Variants in FGA observed in about 807,000 individuals in gnomAD.
The protein encoded by FGA is fibrinogen, A alpha polypeptide.
A neutral mutation model predicts 20.3 loss-of-function variants in FGA; 20 were observed. The observed-to-expected ratio is 0.99, with a 90% confidence interval of 0.69 to 1.43. FGA has a LOEUF of 1.43. FGA is among the 40% of genes most tolerant of loss of function. The pLI, the probability that FGA is intolerant of heterozygous loss-of-function variation, is 0.00. For synonymous variants in FGA, 306 were observed against 281.6 expected (o/e 1.09, Z -0.87); for missense variants, 777 against 784.7 (o/e 0.99, Z 0.12).
At chr4:154,589,372 T>A (rs1730815112) in intron 2 of FGA, 65 bp downstream of exon 2, 2 of 1,599,914 alleles carry the variant, frequency 1.3e-6, no homozygotes, top group Admixed American at 3.3e-5. Flanking sequence ...ACCAATCAGG[T>A]CAGCCTGTGA....
intron 4 of FGA, 133 bp from the exon 5 acceptor site, chr4:154,587,051 A>G: frequency 8.1e-6 from 7 of 860,422 alleles, no homozygotes; most frequent in Non-Finnish European, 1.3e-5. Context: ...CTACCACTTA[A>G]TATTCTCTGT....
rs780339572 is a variant in FGA at position 154,587,513 on chromosome 4, T to A, written c.509A>T (p.Glu170Val). Residue 170 changes from glutamate (E) to valine (V), a missense_variant and splice_region_variant, in exon 4 of 5, where the codon GAG becomes GTG. Glu to Val is a moderately radical substitution (Grantham distance 121). Coordinates refer to ENST00000403106, the MANE Select transcript of FGA (RefSeq NM_021871.4). ...CTGGGACCACAGCCACATACTTACC[T>A]CCAGTCGTTTCATATCAACCAACTG... The part of the protein sequence containing the change: ...RAQLVDMKRL[E>V]VDIDIKIRSC... The A allele has an allele frequency of 6.2e-7, 1 of 1,613,774 alleles. No individual in the cohort carries two copies. The highest frequency in any genetic ancestry group is 8.5e-7 in the Non-Finnish European group (1 of 1,179,828).
In FGA at chr4:154,585,758, T is replaced by A. The variant is rs777978109; in HGVS notation, c.1671A>T (p.Thr557=). ...CAGGGTGATGAGAACTGGATTCCTT[T>A]GTATTTGTGAAGATGCCAGATTCTG... is the stretch of plus-strand genomic sequence containing the variant. ...RGSESGIFTN[T]KESSSHHPGI... is the part of the protein sequence containing the mutation. The change falls in exon 5 of 5, where the codon ACA becomes ACT. Residue 557 remains threonine (T), a synonymous_variant. Transcript: ENST00000403106. 28 of 1,614,034 alleles carry A rather than the reference T, an allele frequency of 1.7e-5. No homozygotes were observed. The highest frequency in any genetic ancestry group is 2.3e-5 in the Non-Finnish European group (27 of 1,180,018).
intron 2 of FGA, 31 bp downstream of exon 2, chr4:154,589,406 G>A (rs1166291255): frequency 1.9e-6 from 3 of 1,613,034 alleles, no homozygotes; most frequent in South Asian, 2.2e-5. Context: ...CAGAGGGAAG[G>A]AATCTCCTGC....
Position 154,586,004 on chromosome 4 carries a change from G to C in FGA, c.1425C>G (p.His475Gln), listed in dbSNP as rs1730702010. 2 of 1,614,144 alleles carry C rather than the reference G, an allele frequency of 1.2e-6. No homozygotes were observed. The highest frequency in any genetic ancestry group is 2.7e-5 in the African/African-American group (2 of 75,032). ...VTKTVIGPDGHKEVTKEVVTS... is the reference protein window; with the variant it reads ...VTKTVIGPDGQKEVTKEVVTS... ...TCACCACTTCTTTGGTAACTTCTTT[G>C]TGACCATCAGGACCAATAACAGTCT... The change falls in exon 5 of 5, where the codon CAC becomes CAG. Residue 475 changes from histidine (H) to glutamine (Q), a missense_variant. Transcript: ENST00000403106.
chr4:154,586,747 G>A lies in FGA; in HGVS notation c.682C>T (p.Pro228Ser). 6.2e-7 allele frequency: 1 copy of A among 1,614,216 alleles called. No individual in the cohort carries two copies. The highest frequency in any genetic ancestry group is 8.5e-7 in the Non-Finnish European group (1 of 1,180,042). Residue 228 changes from proline to serine, a missense_variant, in exon 5 of 5, where the codon CCA becomes TCA. Physicochemically the swap from Pro to Ser is moderately conservative, Grantham distance 74. Transcript: ENST00000403106. ...RQHLPLIKMK[P>S]VPDLVPGNFK... ...TTTCCGGGAACCAAGTCTGGAACTG[G>A]TTTCATTTTTATCAGTGGTAAGTGT...
chr4:154,585,021 T>A (rs577199659), downstream of FGA, among the ~76,000 whole-genome samples: 2 of 152,204 alleles, frequency 1.3e-5, no homozygotes, highest in South Asian at 4.1e-4. Context: ...AGCGGTTATT[T>A]ATACCTACAA....
chr4:154,584,079 T>G (rs145386162), downstream of FGA: 643 of 847,196 alleles, frequency 7.6e-4, no homozygotes, highest in African/African-American at 0.017. Context: ...TCTCTCCACT[T>G]CTCTAGCAAA....
In FGA at chr4:154,585,868, C is replaced by G; in HGVS notation, c.1561G>C (p.Asp521His). ...HRHPDEAAFF[D>H]TASTGKTFPG... is the part of the protein sequence containing the mutation. The stretch of plus-strand genomic sequence containing the variant: ...AATGTTTTTCCAGTTGAGGCAGTGT[C>G]GAAGAAGGCAGCTTCATCAGGGTGC... The change falls in exon 5 of 5, where the codon GAC becomes CAC. Residue 521 changes from aspartate (D) to histidine (H), a missense_variant. By Grantham distance (81) the Asp-to-His change is moderately conservative. Transcript: ENST00000403106. 2.5e-6 allele frequency: 4 copies of G among 1,614,052 alleles called. No homozygotes were observed. Among genetic ancestry groups the G allele is most frequent in the Admixed American group, 1.7e-5 (1 of 60,012 alleles).
chr4:154,584,089 A>AGAAGACAGAGTGCTCCCATTCCCACATC, downstream of FGA: 1 of 1,369,322 alleles, frequency 7.3e-7, no homozygotes, highest in Non-Finnish European at 1.0e-6. Context: ...TCTCTAGCAA[A>AGAAGACAGAGTGCTCCCATTCCCACATC]GAAGACAGAG....
Position 154,586,090 on chromosome 4 carries a change from C to T in FGA, c.1339G>A (p.Glu447Lys). The change falls in exon 5 of 5, where the codon GAG becomes AAG. Residue 447 changes from glutamate to lysine, a missense_variant. Physicochemically the swap from Glu to Lys is moderately conservative, Grantham distance 56. Coordinates refer to ENST00000403106, the MANE Select transcript of FGA (RefSeq NM_021871.4). Reference sequence around the variant, plus strand: ...GTTGTGCTACCAGAGGTGACCTTCTCTTTACCAGTCCTGAGCTCTTTATCT... The same window carrying T: ...GTTGTGCTACCAGAGGTGACCTTCTTTTTACCAGTCCTGAGCTCTTTATCT... ...KGDKELRTGK[E>K]KVTSGSTTTT... 1 of 1,614,154 alleles carries T rather than the reference C, an allele frequency of 6.2e-7. No homozygotes were observed. Among genetic ancestry groups the T allele is most frequent in the East Asian group, 2.2e-5 (1 of 44,878 alleles).
At chr4:154,584,370 G>C, downstream of FGA, 1 of 1,614,152 alleles carries the variant, frequency 6.2e-7, no homozygotes, top group Non-Finnish European at 8.5e-7. Context: ...CAAAGGTGCT[G>C]AACTGCATGT....
At chr4:154,587,017 T>C (rs1349613770) in intron 4 of FGA, 99 bp from the exon 5 acceptor site, 4 of 1,240,318 alleles carry the variant, frequency 3.2e-6, no homozygotes, top group Non-Finnish European at 4.6e-6. Context: ...TGGAAACTGG[T>C]TTCATTTTTT....
rs762964238 is a variant in FGA at position 154,586,518 on chromosome 4, C to A, written c.911G>T (p.Ser304Ile). The A allele has an allele frequency of 5.0e-6, 8 of 1,613,806 alleles. No individual in the cohort carries two copies. Among genetic ancestry groups the A allele is most frequent in the Non-Finnish European group, 5.1e-6 (6 of 1,179,972 alleles). ...GCTCCCAGGGTTTCGGTTTCCAGTA[C>A]TTCCAGGTCCAGAGCTCCCAGAGTT... ...SWNSGSSGPG[S>I]TGNRNPGSSG... Residue 304 changes from serine to isoleucine, a missense_variant, in exon 5 of 5, where the codon AGT (serine) becomes ATT (isoleucine). By Grantham distance (142) the Ser-to-Ile change is moderately radical. Transcript: ENST00000403106.
intron 1 of FGA, 55 bp downstream of exon 1, chr4:154,590,579 T>C (rs1730843943): frequency 7.0e-7 from 1 of 1,419,680 alleles, no homozygotes; most frequent in Non-Finnish European, 9.7e-7. Flanking sequence ...CTCCAGGCTC[T>C]TTGTGGAATA....
Position 154,585,949 on chromosome 4 carries a change from C to T in FGA, c.1480G>A (p.Ala494Thr). 1 of 1,614,142 alleles carries T rather than the reference C, an allele frequency of 6.2e-7. No individual in the cohort carries two copies. Among genetic ancestry groups the T allele is most frequent in the Non-Finnish European group, 8.5e-7 (1 of 1,180,002 alleles). ...CCAGACAATGTGCCTAAATCCATTG[C>T]CTCGGGACAGTCAGAACCATCTTCG... ...TSEDGSDCPE[A>T]MDLGTLSGIG... The change falls in exon 5 of 5, where the codon GCA becomes ACA. Residue 494 changes from alanine (A) to threonine (T), a missense_variant. Coordinates refer to ENST00000403106, the MANE Select transcript of FGA (RefSeq NM_021871.4).
chr4:154,585,879 G>C lies in FGA; in HGVS notation c.1550C>G (p.Ala517Gly). The C allele has an allele frequency of 6.2e-7, 1 of 1,614,076 alleles. No individual in the cohort carries two copies. The highest frequency in any genetic ancestry group is 2.2e-5 in the East Asian group (1 of 44,878). Residue 517 changes from alanine (A) to glycine (G), a missense_variant, in exon 5 of 5, where the codon GCT (alanine) becomes GGT (glycine). Transcript: ENST00000403106. ...AGTTGAGGCAGTGTCGAAGAAGGCA[G>C]CTTCATCAGGGTGCCTATGGCGGAA... ...DGFRHRHPDE[A>G]AFFDTASTGK... is the part of the protein sequence containing the mutation.
downstream of FGA, chr4:154,583,689 G>A (rs1298975580): frequency 5.9e-6 from 1 of 170,488 alleles, no homozygotes; most frequent in Non-Finnish European, 1.3e-5. Context: ...GGTCAGCTAT[G>A]GTTAGATTCA....
Position 154,587,588 on chromosome 4 carries a change from A to G in FGA, c.434T>C (p.Val145Ala), listed in dbSNP as rs765688392. The change falls in exon 4 of 5, where the codon GTC becomes GCC. Residue 145 changes from valine (V) to alanine (A), a missense_variant. Transcript: ENST00000403106. Reference protein sequence around the residue: ...RSRIEVLKRKVIEKVQHIQLL... With the variant: ...RSRIEVLKRKAIEKVQHIQLL... ...CTGGATATGCTGTACTTTTTCTATGACTTTGCGCTTCAGGACTTCAATTCT... is the reference window on the plus strand; with the variant it reads ...CTGGATATGCTGTACTTTTTCTATGGCTTTGCGCTTCAGGACTTCAATTCT... 6.2e-7 allele frequency: 1 copy of G among 1,613,912 alleles called. No homozygotes were observed. The highest frequency in any genetic ancestry group is 8.5e-7 in the Non-Finnish European group (1 of 1,179,926).
Sources: allele counts gnomAD v4.1 joint callset (sites outside exome capture counted in the v4.1 genomes callset), GRCh38; gene constraint gnomAD v4.1.1; transcripts MANE v1.5; gene names NCBI Gene and HGNC (gene_info 2026-07-23, HGNC 2026-07-21).